SUCLG2: variants seen among roughly 807,000 people sequenced by gnomAD.
The protein encoded by SUCLG2 is succinate-CoA ligase GDP-forming subunit beta.
Under a neutral mutation model 47.9 loss-of-function variants are expected in SUCLG2, and 42 were observed. That is an observed-to-expected ratio of 0.88 (90% CI 0.69 to 1.14). SUCLG2 has a LOEUF of 1.14. Among genes scored for constraint, SUCLG2 ranks in the 50% most tolerant of loss-of-function variants. SUCLG2 has a pLI of 0.00. For missense variants in SUCLG2, 571 were observed against 525.9 expected (o/e 1.09, Z -0.84); for synonymous variants, 195 against 197.3 (o/e 0.99, Z 0.10).
chr3:67,474,424 T>C (rs62256391), intron 9 of SUCLG2, among the ~76,000 whole-genome samples: 81,577 of 152,042 alleles, frequency 0.54, 22,964 homozygotes, highest in Middle Eastern at 0.64. Context: ...TCTCATTCTA[T>C]AGATTTCTGT....
At chr3:67,495,765 GGC>G (rs1705319050) in intron 9 of SUCLG2, 31 bp downstream of exon 9, 2 of 1,610,874 alleles carry the variant, frequency 1.2e-6, no homozygotes, top group African/African-American at 2.7e-5. Context: ...AATTAAAACT[GGC>G]ATATAATCTC....
intron 9 of SUCLG2, among the ~76,000 whole-genome samples, chr3:67,414,372 A>G (rs1702991317): frequency 6.6e-6 from 1 of 152,218 alleles, no homozygotes; most frequent in East Asian, 1.9e-4. Context: ...TATCGAGTAC[A>G]TTGATGTTGG....
chr3:67,555,870 C>T (rs1707147465), intron 2 of SUCLG2, among the ~76,000 whole-genome samples: 1 of 152,208 alleles, frequency 6.6e-6, no homozygotes. Context: ...AAATTCAAAT[C>T]ACTTACAAAG....
rs140448704 is a variant in SUCLG2, at chr3:67,556,305, C to T, written c.227-27119G>A. Among the ~76,000 whole-genome samples, 1,103 of 152,222 alleles carry T rather than the reference C, an allele frequency of 7.2e-3. 13 individuals are homozygous for T. The highest frequency in any genetic ancestry group is 0.025 in the African/African-American group (1,046 of 41,548). On this transcript the variant is annotated intron_variant, in intron 2 of 10. Transcript: ENST00000307227. ...GCAGTGCATCAACACTGTTTCCTGACTTGGAGGGCTGAATGCTGATGGTGT... is the reference window on the plus strand; with the variant it reads ...GCAGTGCATCAACACTGTTTCCTGATTTGGAGGGCTGAATGCTGATGGTGT...
At chr3:67,410,514 T>C (rs1260715252) in intron 9 of SUCLG2, among the ~76,000 whole-genome samples, 1 of 152,190 alleles carries the variant, frequency 6.6e-6, no homozygotes, top group Non-Finnish European at 1.5e-5. Flanking sequence ...TTTACAGCCA[T>C]AGTTCCCGTA....
intron 2 of SUCLG2, among the ~76,000 whole-genome samples, chr3:67,607,739 T>TG (rs1199409084): frequency 6.6e-6 from 1 of 152,222 alleles, no homozygotes; most frequent in African/African-American, 2.4e-5. Context: ...GGGAGATAAC[T>TG]GAATCATTGG....
At chr3:67,638,964 TAAGAA>T (rs943179321) in intron 1 of SUCLG2, among the ~76,000 whole-genome samples, 14 of 151,962 alleles carry the variant, frequency 9.2e-5, no homozygotes, top group African/African-American at 3.4e-4. Flanking sequence ...CATAGAAGTT[TAAGAA>T]AATAAGAAAA....
rs577337399 is a variant in SUCLG2, at chr3:67,441,870, C to T, written c.1063-41019G>A. Among the ~76,000 whole-genome samples, 4 of 152,336 alleles carry T rather than the reference C, an allele frequency of 2.6e-5. 1 individual carries two copies. The highest frequency in any genetic ancestry group is 9.6e-5 in the African/African-American group (4 of 41,586). ...GGCAAACATACTGGCTTCCCATCTG[C>T]TCCTCCTCCCAAATCTTACAGAAAA... On this transcript the variant is annotated intron_variant, in intron 9 of 10. Transcript: ENST00000307227.
intron 2 of SUCLG2, among the ~76,000 whole-genome samples, chr3:67,559,961 T>C (rs1707265588): frequency 6.7e-6 from 1 of 149,930 alleles, no homozygotes; most frequent in South Asian, 2.1e-4. Flanking sequence ...GGGGAGGCTG[T>C]GCAGTTGTCG....
intron 9 of SUCLG2, among the ~76,000 whole-genome samples, chr3:67,420,162 GA>G (rs2106856658): frequency 6.6e-6 from 1 of 152,166 alleles, no homozygotes. Context: ...GGACTTGGGT[GA>G]AAAAAGGAAA....
chr3:67,494,290 A>T (rs1705275817), intron 9 of SUCLG2, among the ~76,000 whole-genome samples: 1 of 152,214 alleles, frequency 6.6e-6, no homozygotes, highest in African/African-American at 2.4e-5. Context: ...ATATTTTAGT[A>T]ACCAACTCAA....
chr3:67,623,880 C>A (rs1411818400), intron 1 of SUCLG2, among the ~76,000 whole-genome samples: 1 of 152,196 alleles, frequency 6.6e-6, no homozygotes, highest in African/African-American at 2.4e-5. Context: ...AAAGAACCTA[C>A]GTGCACATTC....
At chr3:67,524,289 T>A (rs556752891) in intron 4 of SUCLG2, among the ~76,000 whole-genome samples, 1 of 152,350 alleles carries the variant, frequency 6.6e-6, no homozygotes, top group South Asian at 2.1e-4. Context: ...ATAGAAAGCT[T>A]TTTAACTTTC....
At chr3:67,540,779 A>T (rs2107173767) in intron 2 of SUCLG2, among the ~76,000 whole-genome samples, 1 of 152,288 alleles carries the variant, frequency 6.6e-6, no homozygotes, top group South Asian at 2.1e-4. Context: ...GGGTCGACAG[A>T]CACCTCATAC....
At chr3:67,616,862 C>T (rs942307230) in intron 1 of SUCLG2, among the ~76,000 whole-genome samples, 4 of 152,300 alleles carry the variant, frequency 2.6e-5, no homozygotes, top group South Asian at 2.1e-4. Flanking sequence ...TCACTTCGAG[C>T]TCTCAACAGC....
intron 2 of SUCLG2, among the ~76,000 whole-genome samples, chr3:67,585,196 T>A (rs995091446): frequency 3.9e-5 from 6 of 152,198 alleles, no homozygotes; most frequent in Admixed American, 3.3e-4. Flanking sequence ...TTTCACCTCA[T>A]GTCCCACAGC....
At chr3:67,508,461 G>A (rs1705698231) in intron 7 of SUCLG2, among the ~76,000 whole-genome samples, 1 of 151,882 alleles carries the variant, frequency 6.6e-6, no homozygotes, top group African/African-American at 2.4e-5. Flanking sequence ...GTAGAGACAG[G>A]GTCTCAATAT....
At chr3:67,385,315 C>A (rs1702236865) in intron 10 of SUCLG2, among the ~76,000 whole-genome samples, 1 of 152,186 alleles carries the variant, frequency 6.6e-6, no homozygotes, top group Admixed American at 6.5e-5. Flanking sequence ...AAGGGATGAC[C>A]ACTGCCTAGA....
chr3:67,373,156 G>A (rs1481473890), downstream of SUCLG2, among the ~76,000 whole-genome samples: 1 of 151,838 alleles, frequency 6.6e-6, no homozygotes, highest in Non-Finnish European at 1.5e-5. Context: ...TTCTACAAAT[G>A]ATCACAATCA....
Sources: gnomAD v4.1 joint callset for allele counts (sites outside exome capture counted in the v4.1 genomes callset) on GRCh38, gnomAD v4.1.1 for gene constraint, MANE v1.5 for transcripts, NCBI Gene and HGNC (gene_info 2026-07-23, HGNC 2026-07-21) for gene names.